The following MAX variants were observed in gnomAD, a reference collection of about 807,000 sequenced individuals.
MAX encodes the protein protein max.
A neutral mutation model predicts 22.3 loss-of-function variants in MAX; 3 were observed. The ratio of observed to expected loss-of-function variants is 0.13; its 90% CI spans 0.06 to 0.35. The LOEUF is 0.35. Ranked by LOEUF, MAX falls within the 10% of genes least tolerant of loss-of-function variation. The probability of loss-of-function intolerance (pLI) is 1.00; values close to 1 mark genes in which losing one functional copy is unlikely to be tolerated. For missense variants in MAX, 119 were observed against 209.4 expected, an observed-to-expected ratio of 0.57 and a Z score of 2.66; for synonymous variants, 72 against 77.7, an observed-to-expected ratio of 0.93 and a Z score of 0.39.
At chr14:65,048,777 T>G (rs1043898801) in intron 3 of MAX, among the ~76,000 whole-genome samples, 10 of 150,652 alleles carry the variant, frequency 6.6e-5, no homozygotes, top group African/African-American at 2.2e-4. Context: ...ATCACTTGAG[T>G]CTGGGAGGCA....
intron 3 of MAX, among the ~76,000 whole-genome samples, chr14:65,024,237 C>A (rs2061940058): frequency 1.3e-5 from 2 of 152,138 alleles, no homozygotes; most frequent in African/African-American, 4.8e-5. Flanking sequence ...ACATTGGAAT[C>A]ACGTGGGGAG....
Position 65,075,886 on chromosome 14 carries a change from C to A in MAX, c.*590G>T. 4 of 1,067,818 alleles carry A rather than the reference C, an allele frequency of 3.7e-6. No individual in the cohort carries two copies. The highest frequency in any genetic ancestry group is 4.5e-6 in the Non-Finnish European group (4 of 880,886). 66.1% of individuals were successfully genotyped at this position (1,067,818 alleles called of 1,614,324 possible). A position where few individuals can be genotyped will look rare whatever the true frequency, so the allele number is the denominator to read the frequency against. On this transcript the variant is annotated 3_prime_UTR_variant, in exon 5 of 5. Transcript: ENST00000358664. This position sits in a 1 kb window ranked among gnomAD's most constrained non-coding sequence, Gnocchi z 4.1. Reference sequence around the variant, plus strand: ...ACTCTGTGCTGCGAATCTGTCCCCACTTCCTTTTTATACCACAAACTTCTC... The same window carrying A: ...ACTCTGTGCTGCGAATCTGTCCCCAATTCCTTTTTATACCACAAACTTCTC...
chr14:65,076,892 C>A lies in MAX; in HGVS notation c.296-229G>T. 1.6e-6 allele frequency: 1 copy of A among 627,836 alleles called. No individual in the cohort carries two copies. The highest frequency in any genetic ancestry group is 2.9e-6 in the Non-Finnish European group (1 of 347,040). The allele number at this position is 627,836 out of a possible 1,614,324, so 38.9% of individuals were successfully genotyped here. On this transcript the variant is annotated intron_variant, in intron 4 of 4. Coordinates refer to ENST00000358664, the MANE Select transcript of MAX (RefSeq NM_002382.5). The surrounding 1 kb of genome is among the most constrained non-coding windows in gnomAD (Gnocchi z 6.6). ...CCAGCAGACACTCTGCAATCCCACCCAACTCTGAAGAGAAGGCTTGTGATG... is the reference window on the plus strand; with the variant it reads ...CCAGCAGACACTCTGCAATCCCACCAAACTCTGAAGAGAAGGCTTGTGATG...
intron 3 of MAX, among the ~76,000 whole-genome samples, chr14:65,052,410 T>C (rs2062636691): frequency 6.6e-6 from 1 of 152,206 alleles, no homozygotes; most frequent in African/African-American, 2.4e-5. Flanking sequence ...TCAGGCATCT[T>C]TTAGCCCAGG....
chr14:65,050,871 C>G (rs1014424899), intron 3 of MAX, among the ~76,000 whole-genome samples: 2 of 152,240 alleles, frequency 1.3e-5, no homozygotes, highest in Non-Finnish European at 1.5e-5. Context: ...TAATCTTAAG[C>G]ATACATAATA....
At chr14:65,059,837 CTTTTTTTT>C (rs34459085) in intron 3 of MAX, among the ~76,000 whole-genome samples, 7 of 134,242 alleles carry the variant, frequency 5.2e-5, no homozygotes, top group African/African-American at 2.0e-4. Context: ...GTCCTTTTTT[CTTTTTTTT>C]TTTTTTTTGA....
rs971390711 is a variant in MAX, at chr14:65,102,425, G to C, written c.-86C>G. ...AGGGGGAAGTCACCGACAACAACAA[G>C]CCGAGTCCCCCCCACACACACACTC... On this transcript the variant is annotated 5_prime_UTR_variant, in exon 1 of 5. Transcript: ENST00000358664. 1 of 1,562,536 alleles carries C rather than the reference G, an allele frequency of 6.4e-7. No individual in the cohort carries two copies. Among genetic ancestry groups the C allele is most frequent in the East Asian group, 2.4e-5 (1 of 41,382 alleles).
At chr14:65,006,419 A>G in intron 3 of MAX, 1 of 1,368,896 alleles carries the variant, frequency 7.3e-7, no homozygotes, top group East Asian at 2.4e-5. Flanking sequence ...AGATACAGCT[A>G]GAGATTAGCA....
chr14:65,022,044 G>C (rs915038835), intron 3 of MAX: 1 of 455,922 alleles, frequency 2.2e-6, no homozygotes, highest in Non-Finnish European at 4.4e-6. Context: ...GTCTGACTCT[G>C]TGAGCAGCAG....
rs974091031 is a variant in MAX at position 65,012,918 on chromosome 14, A to G, written c.172-6634T>C. ...TTTCTATACTGACTAGAGGACCAGTATAGAGAGTGGTCCTTGCAATTTAAC... is the reference window on the plus strand; with the variant it reads ...TTTCTATACTGACTAGAGGACCAGTGTAGAGAGTGGTCCTTGCAATTTAAC... On this transcript the variant is annotated intron_variant, in intron 3 of 3. Coordinates refer to the MAX transcript ENST00000341653. The surrounding 1 kb of genome is among the most constrained non-coding windows in gnomAD (Gnocchi z 5.0). 6.6e-6 allele frequency among the ~76,000 whole-genome samples: 1 copy of G among 152,210 alleles called. No individual in the cohort carries two copies. Among genetic ancestry groups the G allele is most frequent in the Non-Finnish European group, 1.5e-5 (1 of 68,038 alleles).
chr14:65,077,808 G>A lies in MAX; in HGVS notation c.295+105C>T. ...AAGAAGCAGGACCAAGCCTGCTACT[G>A]AGCACATACTCCATGACTGGCTCTG... On this transcript the variant is annotated intron_variant, in intron 4 of 4. Coordinates refer to ENST00000358664, the MANE Select transcript of MAX (RefSeq NM_002382.5). This position sits in a 1 kb window ranked among gnomAD's most constrained non-coding sequence, Gnocchi z 6.3. 6.2e-7 allele frequency: 1 copy of A among 1,614,100 alleles called. No individual in the cohort carries two copies. The highest frequency in any genetic ancestry group is 1.1e-5 in the South Asian group (1 of 91,070).
At chr14:65,041,300 G>T (rs919310481) in intron 3 of MAX, among the ~76,000 whole-genome samples, 1 of 152,234 alleles carries the variant, frequency 6.6e-6, no homozygotes, top group African/African-American at 2.4e-5. Flanking sequence ...ATTACCTGCT[G>T]CACTGTGTAA....
chr14:65,038,501 C>T (rs547157895), intron 3 of MAX, among the ~76,000 whole-genome samples: 31 of 152,130 alleles, frequency 2.0e-4, no homozygotes, highest in Admixed American at 3.3e-4. Flanking sequence ...AGGCAGATCA[C>T]GAGGTCAGGA....
rs947247806 is a variant in MAX, at chr14:65,047,187, G to A, written c.172-40903C>T. 6.6e-6 allele frequency among the ~76,000 whole-genome samples: 1 copy of A among 152,218 alleles called. No homozygotes were observed. Among genetic ancestry groups the A allele is most frequent in the African/African-American group, 2.4e-5 (1 of 41,462 alleles). The stretch of plus-strand genomic sequence containing the variant: ...CTTCCCAAGCCCTCACTGTATGCCA[G>A]GGGCTGTACTGAGCATTTCACATAT... On this transcript the variant is annotated intron_variant, in intron 3 of 3. Coordinates refer to the MAX transcript ENST00000341653. The surrounding 1 kb of genome is among the most constrained non-coding windows in gnomAD (Gnocchi z 5.2).
intron 2 of MAX, 49 bp downstream of exon 2, chr14:65,101,493 AAAGG>A (rs2063831822): frequency 1.3e-6 from 2 of 1,507,410 alleles, no homozygotes; most frequent in Admixed American, 3.5e-5. Context: ...CTGACCCCAA[AAAGG>A]AATAGAACTG....
At chr14:65,086,867 C>T (rs2063347472) in intron 3 of MAX, among the ~76,000 whole-genome samples, 1 of 152,226 alleles carries the variant, frequency 6.6e-6, no homozygotes, top group African/African-American at 2.4e-5. Flanking sequence ...TGTCAGAGAT[C>T]TTCACAGCAG....
At chr14:65,034,812 A>C (rs1190990906) in intron 3 of MAX, among the ~76,000 whole-genome samples, 3 of 152,230 alleles carry the variant, frequency 2.0e-5, no homozygotes, top group African/African-American at 7.2e-5. Flanking sequence ...TGTCAGCTCC[A>C]TGAGTCTTCC....
At chr14:65,045,840 G>A (rs2062465068) in intron 3 of MAX, among the ~76,000 whole-genome samples, 1 of 152,280 alleles carries the variant, frequency 6.6e-6, no homozygotes, top group East Asian at 1.9e-4. Context: ...TGGGCTTTAG[G>A]TGTCAGTATT....
chr14:65,087,914 G>T (rs2139828773), intron 3 of MAX, among the ~76,000 whole-genome samples: 1 of 152,146 alleles, frequency 6.6e-6, no homozygotes. Flanking sequence ...GGAGGTAATT[G>T]AATCACGGGG....
Sources: gnomAD v4.1 joint callset for allele counts (sites outside exome capture counted in the v4.1 genomes callset) on GRCh38, gnomAD v4.1.1 for gene constraint, Gnocchi (gnomAD v3.1) non-coding constraint, MANE v1.5 for transcripts, NCBI Gene and HGNC (gene_info 2026-07-23, HGNC 2026-07-21) for gene names.